Variants in ANKRD44 observed in about 807,000 individuals in gnomAD.
The protein encoded by ANKRD44 is ankyrin repeat domain 44, also known as serine/threonine-protein phosphatase 6 regulatory ankyrin repeat subunit B.
In ANKRD44, 35 loss-of-function variants were observed where a neutral mutation model predicts 116.0. The ratio of observed to expected loss-of-function variants is 0.30; its 90% CI spans 0.23 to 0.40. The LOEUF (loss-of-function observed/expected upper bound fraction) is 0.40. Among genes scored for constraint, ANKRD44 ranks in the 10% least tolerant of loss-of-function variants. ANKRD44 has a pLI of 1.00. For missense variants in ANKRD44, 1,014 were observed against 1,242.6 expected (o/e 0.82, Z 2.77); for synonymous variants, 435 against 461.8 (o/e 0.94, Z 0.74).
At chr2:197,075,095 G>GA (rs2077638192) in intron 16 of ANKRD44, among the ~76,000 whole-genome samples, 1 of 152,038 alleles carries the variant, frequency 6.6e-6, no homozygotes, top group South Asian at 2.1e-4. Context: ...GATTTGGCAT[G>GA]AAAAAATCTC....
intron 1 of ANKRD44, among the ~76,000 whole-genome samples, chr2:197,295,193 C>T (rs1358340187): frequency 2.6e-5 from 4 of 152,164 alleles, no homozygotes; most frequent in Non-Finnish European, 5.9e-5. Context: ...GATCAAAGTG[C>T]AACTTAGGTA....
intron 1 of ANKRD44, among the ~76,000 whole-genome samples, chr2:197,301,931 C>A (rs2105913414): frequency 1.3e-5 from 2 of 152,216 alleles, no homozygotes; most frequent in East Asian, 3.9e-4. Context: ...GAAAGGCAGA[C>A]AGGAAATGTG....
At chr2:196,982,081 C>A (rs2075804623), downstream of ANKRD44, among the ~76,000 whole-genome samples, 1 of 79,486 alleles carries the variant, frequency 1.3e-5, no homozygotes, top group African/African-American at 4.1e-5. Context: ...GAGGGAATCT[C>A]TTCTCATTTG....
intron 2 of ANKRD44, among the ~76,000 whole-genome samples, chr2:197,177,426 T>C (rs2080392021): frequency 6.6e-6 from 1 of 152,196 alleles, no homozygotes; most frequent in African/African-American, 2.4e-5. Flanking sequence ...ATGTAAAAGA[T>C]GGGAGCGCCA....
At chr2:197,224,537 C>T (rs1028556617) in intron 1 of ANKRD44, among the ~76,000 whole-genome samples, 1 of 152,152 alleles carries the variant, frequency 6.6e-6, no homozygotes, top group Admixed American at 6.5e-5. Context: ...AAGCAGATAT[C>T]TAGAGAATTG....
chr2:197,148,781 T>C (rs889638336), intron 2 of ANKRD44, among the ~76,000 whole-genome samples: 2 of 152,216 alleles, frequency 1.3e-5, no homozygotes, highest in South Asian at 2.1e-4. Context: ...TGGAAACTCA[T>C]GTTGTCTATG....
At chr2:197,275,251 A>G (rs34820210) in intron 1 of ANKRD44, among the ~76,000 whole-genome samples, 10,963 of 151,786 alleles carry the variant, frequency 0.072, 558 homozygotes, top group Non-Finnish European at 0.11. Flanking sequence ...AGTATCTGAG[A>G]CTACAGGCAC....
intron 16 of ANKRD44, among the ~76,000 whole-genome samples, chr2:197,037,076 A>G (rs2076821350): frequency 6.6e-6 from 1 of 152,258 alleles, no homozygotes; most frequent in Non-Finnish European, 1.5e-5. Context: ...AATGTTACTT[A>G]ACAGATGTAA....
chr2:197,007,695 C>T (rs1258302611), intron 20 of ANKRD44, 111 bp downstream of exon 20: 2 of 747,222 alleles, frequency 2.7e-6, no homozygotes, highest in African/African-American at 1.8e-5. Flanking sequence ...TTTTGCTAAA[C>T]ATTTTTTGCT....
At chr2:197,031,882 A>G (rs992002520) in intron 16 of ANKRD44, among the ~76,000 whole-genome samples, 1 of 152,114 alleles carries the variant, frequency 6.6e-6, no homozygotes, top group Non-Finnish European at 1.5e-5. Context: ...TAACTTCAAA[A>G]CCAATCTCTG....
At chr2:196,991,147 T>C (rs997406273) in intron 27 of ANKRD44, among the ~76,000 whole-genome samples, 1 of 152,274 alleles carries the variant, frequency 6.6e-6, no homozygotes, top group Non-Finnish European at 1.5e-5. Flanking sequence ...TTTATTTTTG[T>C]TTTCAGCTCA....
chr2:196,987,367 A>G lies in ANKRD44; in HGVS notation c.*2224T>C. The G allele has an allele frequency of 1.0e-6, 1 of 985,084 alleles. No individual in the cohort carries two copies. Among genetic ancestry groups the G allele is most frequent in the Non-Finnish European group, 1.2e-6 (1 of 829,610 alleles). 61.0% of individuals were successfully genotyped at this position (985,084 alleles called of 1,614,324 possible). On this transcript the variant is annotated 3_prime_UTR_variant, in exon 28 of 28. Coordinates refer to ENST00000282272, the MANE Select transcript of ANKRD44 (RefSeq NM_001195144.2). ...TATCATATTGCTCTGATAACACTCAAATGAAAAAATACAAAACATTCCACA... is the reference window on the plus strand; with the variant it reads ...TATCATATTGCTCTGATAACACTCAGATGAAAAAATACAAAACATTCCACA...
At chr2:196,969,642 A>G (rs1236472561) in intron 21 of ANKRD44, among the ~76,000 whole-genome samples, 1 of 152,234 alleles carries the variant, frequency 6.6e-6, no homozygotes, top group Non-Finnish European at 1.5e-5. Flanking sequence ...TACCATCTAC[A>G]TGGCTAATGG....
chr2:196,989,865 A>G (rs185834379), intron 27 of ANKRD44: 7 of 1,222,110 alleles, frequency 5.7e-6, no homozygotes, highest in East Asian at 7.1e-5. Flanking sequence ...ATGTTTTTTA[A>G]AAGTTAGTAT....
At chr2:197,071,856 T>C (rs538521098) in intron 16 of ANKRD44, among the ~76,000 whole-genome samples, 1 of 152,342 alleles carries the variant, frequency 6.6e-6, no homozygotes, top group Non-Finnish European at 1.5e-5. Flanking sequence ...TTGCTTCACA[T>C]ATATTGTAGC....
intron 16 of ANKRD44, among the ~76,000 whole-genome samples, chr2:197,065,940 G>A (rs1337470914): frequency 1.3e-5 from 2 of 152,134 alleles, no homozygotes; most frequent in Non-Finnish European, 2.9e-5. Context: ...CTCATTTTAC[G>A]AGGCCAGCAT....
intron 1 of ANKRD44, among the ~76,000 whole-genome samples, chr2:197,241,084 CTTT>C (rs1466105104): frequency 6.6e-6 from 1 of 152,086 alleles, no homozygotes; most frequent in Non-Finnish European, 1.5e-5. Flanking sequence ...CATCTTCTCT[CTTT>C]TTGGCTCTGC....
chr2:197,249,283 CAGAAATAAAAAA>C (rs1034406463), intron 1 of ANKRD44, among the ~76,000 whole-genome samples: 27 of 151,958 alleles, frequency 1.8e-4, no homozygotes, highest in African/African-American at 5.6e-4. Flanking sequence ...AAAAAATGTA[CAGAAATAAAAAA>C]AGAAATTTTT....
At chr2:197,256,416 T>C (rs766606905) in intron 1 of ANKRD44, among the ~76,000 whole-genome samples, 5 of 152,186 alleles carry the variant, frequency 3.3e-5, no homozygotes, top group Non-Finnish European at 5.9e-5. Context: ...GTTCTCCATA[T>C]ACCAACGGCT....
Sources: gnomAD v4.1 joint callset for allele counts (sites outside exome capture counted in the v4.1 genomes callset) on GRCh38, gnomAD v4.1.1 for gene constraint, MANE v1.5 for transcripts, NCBI Gene and HGNC (gene_info 2026-07-23, HGNC 2026-07-21) for gene names.